The following DPPA2 variants were observed in gnomAD, a reference collection of about 807,000 sequenced individuals.
The protein encoded by DPPA2 is developmental pluripotency-associated protein 2.
Under a neutral mutation model 36.2 loss-of-function variants are expected in DPPA2, and 26 were observed. The ratio of observed to expected loss-of-function variants is 0.72; its 90% confidence interval spans 0.53 to 1.00. DPPA2 has a LOEUF of 1.00. DPPA2 is among the 50% of genes least tolerant of loss of function. The pLI is 0.00. For missense variants in DPPA2, 361 were observed against 365.1 expected (o/e 0.99, Z 0.09); for synonymous variants, 113 against 123.2 (o/e 0.92, Z 0.55).
intron 6 of DPPA2, among the ~76,000 whole-genome samples, chr3:109,307,132 C>CT (rs1559697648): frequency 1.3e-5 from 2 of 151,736 alleles, no homozygotes; most frequent in African/African-American, 4.8e-5. Context: ...CCATGCCCGG[C>CT]TTTTTTTCGT....
chr3:109,309,559 G>A (rs1707658172), intron 3 of DPPA2, among the ~76,000 whole-genome samples: 1 of 151,410 alleles, frequency 6.6e-6, no homozygotes, highest in African/African-American at 2.4e-5. Flanking sequence ...GCGTGCTGGC[G>A]GGCGCCTGTA....
intron 1 of DPPA2, among the ~76,000 whole-genome samples, chr3:109,315,944 C>T (rs1707777783): frequency 6.6e-6 from 1 of 152,112 alleles, no homozygotes; most frequent in South Asian, 2.1e-4. Context: ...TACTGAGGAA[C>T]TGATTGGAAA....
In DPPA2 at chr3:109,299,765, T is replaced by TG. The variant is rs1447732928; in HGVS notation, c.*22+605_*22+606insC. ...TATTGACTCATTAGTTTTTTTTTTT[T>TG]TTTAGAGACTATGTTGCCCAGGCTG... is the stretch of plus-strand genomic sequence containing the variant. On this transcript the variant is annotated intron_variant, in intron 8 of 8. Transcript: ENST00000478945. 4.7e-5 allele frequency among the ~76,000 whole-genome samples: 7 copies of TG among 150,502 alleles called. No individual in the cohort carries two copies. In the East Asian group the frequency reaches 9.7e-4, roughly 21 times the overall value.
At chr3:109,316,201 C>A (rs1707781429) in intron 1 of DPPA2, 83 bp downstream of exon 1, 1 of 152,164 alleles carries the variant, frequency 6.6e-6, no homozygotes, top group Non-Finnish European at 1.5e-5. Context: ...ACCCCCGCCC[C>A]TCCCCCCACA....
chr3:109,311,584 A>G (rs1209223928), intron 3 of DPPA2, among the ~76,000 whole-genome samples: 1 of 152,064 alleles, frequency 6.6e-6, no homozygotes, highest in Non-Finnish European at 1.5e-5. Flanking sequence ...TATTAAAAAT[A>G]CAAACATTAG....
chr3:109,304,788 T>A lies in DPPA2; in HGVS notation c.659-118A>T, dbSNP rs1476985815. ...CTGCTCACAAATCAATTGAATGAGA[T>A]GCATGAAAACCTAGACCACATGACA... On this transcript the variant is annotated intron_variant, in intron 6 of 8. Transcript: ENST00000478945. The A allele has an allele frequency of 4.0e-6, 4 of 1,004,124 alleles. No homozygotes were observed. The African/African-American group carries it at 6.6e-5, about 16-fold the overall frequency. The allele number at this position is 1,004,124 out of a possible 1,614,324, so 62.2% of individuals were successfully genotyped here.
intron 6 of DPPA2, among the ~76,000 whole-genome samples, chr3:109,307,599 A>G (rs1445434158): frequency 2.9e-5 from 4 of 137,596 alleles, no homozygotes; most frequent in Non-Finnish European, 6.2e-5. Flanking sequence ...GCGAAACTCC[A>G]TCTCAAAAAA....
intron 1 of DPPA2, among the ~76,000 whole-genome samples, chr3:109,316,000 A>G (rs1559701327): frequency 6.6e-6 from 1 of 152,234 alleles, no homozygotes; most frequent in Non-Finnish European, 1.5e-5. Flanking sequence ...ATCCTGAATC[A>G]GATCATGGAG....
chr3:109,309,397 A>G, intron 3 of DPPA2, 67 bp from the exon 4 acceptor site: 1 of 1,590,986 alleles, frequency 6.3e-7, no homozygotes, highest in Non-Finnish European at 8.6e-7. Context: ...AAATTTTACA[A>G]AGATCTAGGG....
Position 109,309,398 on chromosome 3 carries a change from A to G in DPPA2, c.182-68T>C, listed in dbSNP as rs1707653647. 3 of 1,588,576 alleles carry G rather than the reference A, an allele frequency of 1.9e-6. No individual in the cohort carries two copies. The Admixed American group carries it at 5.1e-5, about 27-fold the overall frequency. On this transcript the variant is annotated intron_variant, in intron 3 of 8. Coordinates refer to ENST00000478945, the MANE Select transcript of DPPA2 (RefSeq NM_138815.4). ...GCAAGATTATTTTAAAATTTTACAAAGATCTAGGGTCGGGCACGGTGGCTC... is the reference window on the plus strand; with the variant it reads ...GCAAGATTATTTTAAAATTTTACAAGGATCTAGGGTCGGGCACGGTGGCTC...
At chr3:109,315,014 C>T (rs933710985) in intron 1 of DPPA2, among the ~76,000 whole-genome samples, 5 of 151,946 alleles carry the variant, frequency 3.3e-5, no homozygotes, top group Non-Finnish European at 5.9e-5. Flanking sequence ...TACAGCGATC[C>T]GAGATCGCAC....
At chr3:109,300,552 T>C in intron 7 of DPPA2, 117 bp from the exon 8 acceptor site, 2 of 991,702 alleles carry the variant, frequency 2.0e-6, no homozygotes, top group Non-Finnish European at 3.2e-6. Flanking sequence ...CCGGGTGTGG[T>C]GGCTCACGCC....
At position 109,314,562 on chromosome 3, in the gene DPPA2, A is replaced by G. The variant is rs1707759653; in HGVS notation, c.-13-7T>C. The G allele has an allele frequency of 6.2e-7, 1 of 1,608,238 alleles. No individual in the cohort carries two copies. The highest frequency in any genetic ancestry group is 1.3e-5 in the African/African-American group (1 of 74,910). ...TGACATTTTCAGCAACACCCTGGGG[A>G]AGGCAAGGACAGCAATGTTAAGGAT... On this transcript the variant is annotated splice_region_variant and splice_polypyrimidine_tract_variant and intron_variant, in intron 1 of 8. Transcript: ENST00000478945.
intron 7 of DPPA2, 32 bp downstream of exon 7, chr3:109,304,443 G>T: frequency 6.4e-7 from 1 of 1,563,524 alleles, no homozygotes; most frequent in Non-Finnish European, 8.7e-7. Context: ...ACTTTTCTGT[G>T]TGCCATGCTT....
chr3:109,308,878 A>C, intron 5 of DPPA2, 148 bp downstream of exon 5: 4 of 1,030,900 alleles, frequency 3.9e-6, no homozygotes, highest in Non-Finnish European at 5.7e-6. Context: ...CAAAACAAAC[A>C]AAAAATTATT....
intron 7 of DPPA2, among the ~76,000 whole-genome samples, chr3:109,300,985 C>CTT (rs36123123): frequency 1.7e-3 from 240 of 139,204 alleles, no homozygotes; most frequent in African/African-American, 5.7e-3. Context: ...GATCTCACAT[C>CTT]TTTTTTTTTT....
intron 8 of DPPA2, among the ~76,000 whole-genome samples, chr3:109,299,440 G>A (rs572368645): frequency 6.6e-6 from 1 of 151,694 alleles, no homozygotes; most frequent in South Asian, 2.1e-4. Flanking sequence ...AACCCGGGAG[G>A]TGGGAGGCGG....
Position 109,294,935 on chromosome 3 carries a change from C to A in DPPA2, c.*23-931G>T, listed in dbSNP as rs1364329418. Among the ~76,000 whole-genome samples the A allele has an allele frequency of 2.0e-5, 3 of 152,084 alleles. No individual in the cohort carries two copies. The East Asian group carries it at 5.8e-4, about 29-fold the overall frequency. On this transcript the variant is annotated intron_variant, in intron 8 of 8. Coordinates refer to ENST00000478945, the MANE Select transcript of DPPA2 (RefSeq NM_138815.4). The stretch of plus-strand genomic sequence containing the variant: ...ACTTAAGAGGCTGAGGCTGGAGAAT[C>A]GCTTAAAGCCAGGAGGTGGAGGTTG...
chr3:109,309,210 C>T lies in DPPA2; in HGVS notation c.302G>A (p.Arg101Gln), dbSNP rs770284560. Residue 101 changes from arginine (R) to glutamine (Q), a missense_variant, in exon 4 of 9, where the codon CGG becomes CAG. Arg to Gln is a conservative substitution (Grantham distance 43). Transcript: ENST00000478945. ...CAAACCGAGTTGTTGACACCAGTCC[C>T]GCAAAGTGTCCCGACACACCTTATT... ...PINKVCRDTL[R>Q]DWCQQLGLST... 9 of 1,614,016 alleles carry T rather than the reference C, an allele frequency of 5.6e-6. No homozygotes were observed. Among genetic ancestry groups the T allele is most frequent in the Admixed American group, 1.7e-5 (1 of 59,978 alleles).
Sources: allele counts gnomAD v4.1 joint callset (sites outside exome capture counted in the v4.1 genomes callset), GRCh38; gene constraint gnomAD v4.1.1; transcripts MANE v1.5; gene names NCBI Gene and HGNC (gene_info 2026-07-23, HGNC 2026-07-21).